The following SLC17A1 variants were observed in gnomAD, a reference collection of about 807,000 sequenced individuals.
The protein encoded by SLC17A1 is sodium-dependent phosphate transport protein 1.
In SLC17A1, 51 loss-of-function variants were observed where a neutral mutation model predicts 53.5. The observed-to-expected ratio is 0.95, with a 90% CI of 0.76 to 1.20. SLC17A1 has a LOEUF of 1.20. Among genes scored for constraint, SLC17A1 ranks in the 50% most tolerant of loss-of-function variants. SLC17A1 has a pLI of 0.00. For synonymous variants in SLC17A1, 179 were observed against 198.8 expected, an observed-to-expected ratio of 0.90 and a Z score of 0.84; for missense variants, 538 against 568.2, an observed-to-expected ratio of 0.95 and a Z score of 0.54.
chr6:25,822,268 T>C (rs1461725901), intron 3 of SLC17A1, among the ~76,000 whole-genome samples: 1 of 152,196 alleles, frequency 6.6e-6, no homozygotes, highest in Non-Finnish European at 1.5e-5. Flanking sequence ...CTTTTTCATA[T>C]TCCTTTCCTG....
chr6:25,762,620 A>AT, the SLC17A1 span, among the ~76,000 whole-genome samples: 2 of 152,228 alleles, frequency 1.3e-5, no homozygotes, highest in South Asian at 4.1e-4. Context: ...TCATAAGATA[A>AT]TGACTTCAAA....
At chr6:25,726,290 T>C in the SLC17A1 span, 1 of 1,614,064 alleles carries the variant, frequency 6.2e-7, no homozygotes, top group Non-Finnish European at 8.5e-7. Flanking sequence ...TGGCGGGGAA[T>C]AATGCGAGTT....
the SLC17A1 span, among the ~76,000 whole-genome samples, chr6:25,776,179 T>A: frequency 6.6e-6 from 1 of 152,166 alleles, no homozygotes; most frequent in South Asian, 2.1e-4. Flanking sequence ...GCCAATTTGA[T>A]CCATGAAAAA....
chr6:25,792,329 A>C (rs62392756), intron 12 of SLC17A1, among the ~76,000 whole-genome samples: 13,947 of 152,260 alleles, frequency 0.092, 828 homozygotes, highest in Middle Eastern at 0.15. Flanking sequence ...AATGAACCTG[A>C]TTAAAAACCT....
Position 25,819,133 on chromosome 6 carries a change from A to C in SLC17A1, c.551T>G (p.Ile184Ser). The part of the protein sequence containing the change: ...STSGFLLGPF[I>S]VLLVTGVICE... ...GATAACTCCAGTCACAAGTAGGACA[A>C]TAAAGGGTCCCAGCAAAAACCCTAA... Residue 184 changes from isoleucine (I) to serine (S), a missense_variant, in exon 6 of 13, where the codon ATT becomes AGT. Physicochemically the swap from Ile to Ser is moderately radical, Grantham distance 142 (BLOSUM62 -2). Coordinates refer to ENST00000244527, the MANE Select transcript of SLC17A1 (RefSeq NM_005074.5). 1 of 1,609,818 alleles carries C rather than the reference A, an allele frequency of 6.2e-7. No homozygotes were observed. The highest frequency in any genetic ancestry group is 1.1e-5 in the South Asian group (1 of 89,900).
rs150773660 is a variant in SLC17A1, at chr6:25,821,806, C to T, written c.208-1891G>A. On this transcript the variant is annotated intron_variant, in intron 3 of 12. Coordinates refer to ENST00000244527, the MANE Select transcript of SLC17A1 (RefSeq NM_005074.5). ...AGTTGCCATTGAACAAAGTACTCCA[C>T]ATATAAATGTATAAATGACTCTAAG... Among the ~76,000 whole-genome samples, 341 of 152,224 alleles carry T rather than the reference C, an allele frequency of 2.2e-3. 1 individual carries two copies. Among genetic ancestry groups the T allele is most frequent in the African/African-American group, 7.0e-3 (289 of 41,512 alleles).
At chr6:25,783,799 T>C (rs1343453045) in intron 12 of SLC17A1, among the ~76,000 whole-genome samples, 2 of 146,572 alleles carry the variant, frequency 1.4e-5, no homozygotes, top group African/African-American at 2.5e-5. Context: ...CACACACTCT[T>C]TTTTTTTTTT....
rs1309878551 is a variant in SLC17A1, at chr6:25,782,936, T to C, written c.*285A>G. The stretch of plus-strand genomic sequence containing the variant: ...AGAATAAAATTTTATCTTGTGTGTA[T>C]TTATTGGTTTGACAATCATTTATAA... On this transcript the variant is annotated 3_prime_UTR_variant, in exon 13 of 13. Transcript: ENST00000244527. The C allele has an allele frequency of 1.3e-5, 2 of 152,224 alleles. No individual in the cohort carries two copies. The highest frequency in any genetic ancestry group is 1.3e-4 in the Admixed American group (2 of 15,284). The allele number at this position is 152,224 out of a possible 1,614,324, so 9.4% of individuals were successfully genotyped here. A position where few individuals can be genotyped will look rare whatever the true frequency, so the allele number is the denominator to read the frequency against.
the SLC17A1 span, among the ~76,000 whole-genome samples, chr6:25,756,540 G>A: frequency 1.3e-5 from 2 of 151,936 alleles, no homozygotes; most frequent in African/African-American, 4.8e-5. Context: ...TTTCTCGCAG[G>A]TGTACTGTCT....
At chr6:25,764,239 T>C in the SLC17A1 span, among the ~76,000 whole-genome samples, 2 of 152,160 alleles carry the variant, frequency 1.3e-5, no homozygotes, top group Non-Finnish European at 2.9e-5. Flanking sequence ...ATCCTGAGGA[T>C]TGTAGCTTCC....
the SLC17A1 span, chr6:25,726,082 C>A: frequency 6.8e-7 from 1 of 1,465,420 alleles, no homozygotes. Flanking sequence ...CTGAAAAGAG[C>A]CTTTTGTTTT....
intron 2 of SLC17A1, among the ~76,000 whole-genome samples, chr6:25,829,098 A>G (rs922946465): frequency 1.3e-5 from 2 of 152,122 alleles, no homozygotes; most frequent in Non-Finnish European, 2.9e-5. Context: ...CTTAGTGAAG[A>G]TGGGGGCCTC....
At chr6:25,775,387 C>T in the SLC17A1 span, among the ~76,000 whole-genome samples, 1 of 151,770 alleles carries the variant, frequency 6.6e-6, no homozygotes, top group Non-Finnish European at 1.5e-5. Flanking sequence ...CCTAATCTGC[C>T]CTGTCCTCCC....
downstream of SLC17A1, among the ~76,000 whole-genome samples, chr6:25,778,584 G>A (rs919851027): frequency 6.6e-6 from 1 of 152,076 alleles, no homozygotes; most frequent in Non-Finnish European, 1.5e-5. Flanking sequence ...CTATTTAAGT[G>A]AATGAAACAC....
chr6:25,730,867 T>C, the SLC17A1 span, among the ~76,000 whole-genome samples: 2 of 152,206 alleles, frequency 1.3e-5, no homozygotes, highest in African/African-American at 4.8e-5. Context: ...CAGACAAAAA[T>C]GTTAGCGGTG....
intron 10 of SLC17A1, among the ~76,000 whole-genome samples, chr6:25,811,023 C>T (rs892488079): frequency 3.3e-5 from 5 of 152,062 alleles, no homozygotes; most frequent in Non-Finnish European, 7.4e-5. Context: ...TGCATGATCT[C>T]ACTTACATGT....
the SLC17A1 span, among the ~76,000 whole-genome samples, chr6:25,735,975 T>C: frequency 6.6e-6 from 1 of 152,196 alleles, no homozygotes; most frequent in African/African-American, 2.4e-5. Context: ...GACATATTTA[T>C]AGGGTTGCAG....
chr6:25,735,927 G>T, the SLC17A1 span, among the ~76,000 whole-genome samples: 1 of 152,130 alleles, frequency 6.6e-6, no homozygotes, highest in Admixed American at 6.5e-5. Flanking sequence ...GAGCCAGTAA[G>T]AATCTTTTCT....
the SLC17A1 span, chr6:25,726,064 A>G: frequency 7.3e-7 from 1 of 1,370,298 alleles, no homozygotes; most frequent in Non-Finnish European, 9.9e-7. Context: ...CTGAGACGGT[A>G]GGTGGCTCTG....
Sources: allele counts gnomAD v4.1 joint callset (sites outside exome capture counted in the v4.1 genomes callset), GRCh38; gene constraint gnomAD v4.1.1; transcripts MANE v1.5; gene names NCBI Gene and HGNC (gene_info 2026-07-23, HGNC 2026-07-21).